TPX2: variants seen among roughly 807,000 people sequenced by gnomAD.
TPX2 encodes TPX2 microtubule nucleation factor.
A neutral mutation model predicts 93.6 loss-of-function variants in TPX2; 21 were observed. The observed-to-expected ratio is 0.22, with a 90% CI of 0.16 to 0.32. The LOEUF (loss-of-function observed/expected upper bound fraction) is 0.32. Ranked by LOEUF, TPX2 falls within the 10% of genes least tolerant of loss-of-function variation. The pLI is 1.00. For synonymous variants in TPX2, 281 were observed against 298.3 expected, an observed-to-expected ratio of 0.94 and a Z score of 0.60; for missense variants, 776 against 871.1, an observed-to-expected ratio of 0.89 and a Z score of 1.37.
chr20:31,798,948 G>GT (rs1198766119), intron 17 of TPX2, among the ~76,000 whole-genome samples: 4 of 152,306 alleles, frequency 2.6e-5, no homozygotes, highest in Admixed American at 1.3e-4. Flanking sequence ...TCCTAGGACT[G>GT]TTTTTTATTT....
Position 31,794,543 on chromosome 20 carries a change from C to T in TPX2, c.1828C>T (p.His610Tyr), listed in dbSNP as rs935818977. 6.2e-7 allele frequency: 1 copy of T among 1,613,614 alleles called. No homozygotes were observed. ...RGALKAQTWK[H>Y]QLEEELRQQK... The stretch of plus-strand genomic sequence containing the variant: ...TGCTCTGAAGGCACAGACTTGGAAG[C>T]ACCAGGTAGGGGATGGGGAGAGCAG... The change falls in exon 15 of 18, where the codon CAC becomes TAC. Residue 610 changes from histidine (H) to tyrosine (Y), a missense_variant. This residue lies in a region of TPX2 where 461 missense variants were observed against 551.2 expected (regional missense o/e 0.84). Transcript: ENST00000300403.
chr20:31,757,616 T>G (rs763919633), intron 3 of TPX2, 34 bp downstream of exon 3: 2 of 1,570,088 alleles, frequency 1.3e-6, no homozygotes, highest in Non-Finnish European at 1.8e-6. Flanking sequence ...ATTTTAAGGA[T>G]TAGTGGCTTG....
At chr20:31,795,015 G>T (rs2062128478) in intron 15 of TPX2, among the ~76,000 whole-genome samples, 1 of 151,964 alleles carries the variant, frequency 6.6e-6, no homozygotes, top group Non-Finnish European at 1.5e-5. Flanking sequence ...TAGGGATGGG[G>T]TTTCACCGTG....
intron 10 of TPX2, chr20:31,780,931 CT>C (rs35053116): frequency 2.5e-6 from 1 of 406,228 alleles, no homozygotes; most frequent in Non-Finnish European, 4.8e-6. Flanking sequence ...TCTTGTTTTG[CT>C]TTTTAGAGAC....
At chr20:31,746,440 A>T (rs2061784010) in intron 2 of TPX2, among the ~76,000 whole-genome samples, 1 of 152,210 alleles carries the variant, frequency 6.6e-6, no homozygotes, top group African/African-American at 2.4e-5. Flanking sequence ...GTAGGAGAGG[A>T]TGTCCCTGGA....
At chr20:31,757,651 A>T in intron 3 of TPX2, 69 bp downstream of exon 3, 4 of 1,207,624 alleles carry the variant, frequency 3.3e-6, no homozygotes, top group Non-Finnish European at 2.4e-6. Context: ...CCTTTCAATA[A>T]TAGAAGGGGT....
At chr20:31,755,294 G>A (rs1325026543) in intron 2 of TPX2, among the ~76,000 whole-genome samples, 1 of 150,444 alleles carries the variant, frequency 6.6e-6, no homozygotes, top group Admixed American at 6.7e-5. Context: ...ATGTTGGCCA[G>A]GCTGGTCTCA....
intron 9 of TPX2, 118 bp from the exon 10 acceptor site, chr20:31,778,695 A>C (rs1262926465): frequency 3.3e-6 from 3 of 913,288 alleles, no homozygotes; most frequent in Non-Finnish European, 4.9e-6. Flanking sequence ...ACTTCAGAAT[A>C]ATAATCTTGG....
At position 31,757,447 on chromosome 20, in the gene TPX2, A is replaced by G. The variant is rs761024278; in HGVS notation, c.-30A>G. On this transcript the variant is annotated 5_prime_UTR_variant, in exon 3 of 18. Coordinates refer to ENST00000300403, the MANE Select transcript of TPX2 (RefSeq NM_012112.5). ...GAAAAGTGGTACAAATACTGGGAAA[A>G]ACCTGCTCTTCTGCGTTAAGTGGGA... is the stretch of plus-strand genomic sequence containing the variant. 28 of 1,580,904 alleles carry G rather than the reference A, an allele frequency of 1.8e-5. No individual in the cohort carries two copies. Among genetic ancestry groups the G allele is most frequent in the Non-Finnish European group, 2.3e-5 (26 of 1,152,006 alleles).
intron 10 of TPX2, among the ~76,000 whole-genome samples, chr20:31,780,134 G>A (rs2062024443): frequency 6.6e-6 from 1 of 152,034 alleles, no homozygotes; most frequent in Non-Finnish European, 1.5e-5. Flanking sequence ...TCACTGCAAC[G>A]TCCACCTCTT....
Position 31,783,858 on chromosome 20 carries a change from A to C in TPX2, c.1350A>C (p.Thr450=). The change falls in exon 12 of 18, where the codon ACA becomes ACC. Residue 450 remains threonine (T), a synonymous_variant. Transcript: ENST00000300403. ...AGGAGCGAGAATCAAAGAAGAAAAC[A>C]GAGGATGAACACTTTGAATTTCATT... ...RIQERESKKK[T]EDEHFEFHSR... is the part of the protein sequence containing the mutation. 8 of 1,607,810 alleles carry C rather than the reference A, an allele frequency of 5.0e-6. No individual in the cohort carries two copies. The highest frequency in any genetic ancestry group is 5.9e-6 in the Non-Finnish European group (7 of 1,178,720).
At chr20:31,794,191 A>G (rs1252725820) in intron 14 of TPX2, among the ~76,000 whole-genome samples, 167 bp downstream of exon 14, 1 of 152,208 alleles carries the variant, frequency 6.6e-6, no homozygotes, top group Non-Finnish European at 1.5e-5. Context: ...TTCTGGCACA[A>G]GGAGGTTAAG....
intron 4 of TPX2, among the ~76,000 whole-genome samples, chr20:31,760,649 T>C (rs1255202546): frequency 6.6e-6 from 1 of 152,202 alleles, no homozygotes; most frequent in African/African-American, 2.4e-5. Context: ...TGTGAGCTAC[T>C]GTTCCCGGGG....
intron 7 of TPX2, among the ~76,000 whole-genome samples, chr20:31,772,145 C>T (rs143137872): frequency 3.6e-3 from 543 of 151,954 alleles, no homozygotes; most frequent in Middle Eastern, 0.024. Context: ...CTCAGCCTCC[C>T]GAGTAGCCCG....
At chr20:31,766,120 G>T (rs78882301) in intron 4 of TPX2, among the ~76,000 whole-genome samples, 497 of 152,250 alleles carry the variant, frequency 3.3e-3, no homozygotes, top group Non-Finnish European at 5.6e-3. Context: ...CAGCATTATA[G>T]ATTGCAAATT....
At chr20:31,776,602 C>T (rs906772299) in intron 8 of TPX2, among the ~76,000 whole-genome samples, 2 of 151,438 alleles carry the variant, frequency 1.3e-5, no homozygotes, top group African/African-American at 4.9e-5. Context: ...CTCCGCTCAA[C>T]ACAACCTCTG....
intron 4 of TPX2, among the ~76,000 whole-genome samples, chr20:31,764,171 T>C (rs143469894): frequency 1.3e-3 from 190 of 151,950 alleles, no homozygotes; most frequent in Admixed American, 2.2e-3. Flanking sequence ...CACATACATG[T>C]ATATGTATAT....
intron 2 of TPX2, among the ~76,000 whole-genome samples, chr20:31,743,771 G>C (rs528107252): frequency 2.1e-4 from 31 of 148,240 alleles, no homozygotes; most frequent in African/African-American, 7.3e-4. Context: ...TTGTTGCCCA[G>C]GCTGGAGTGC....
chr20:31,801,372 A>G lies in TPX2; in HGVS notation c.*292A>G, dbSNP rs1409632600. 2 of 304,508 alleles carry G rather than the reference A, an allele frequency of 6.6e-6. No individual in the cohort carries two copies. Among genetic ancestry groups the G allele is most frequent in the Non-Finnish European group, 1.2e-5 (2 of 162,284 alleles). The allele number at this position is 304,508 out of a possible 1,614,324, so 18.9% of individuals were successfully genotyped here. On this transcript the variant is annotated 3_prime_UTR_variant, in exon 18 of 18. Coordinates refer to ENST00000300403, the MANE Select transcript of TPX2 (RefSeq NM_012112.5). ...GCCTTTTATATGGGTCTTCACTCTG[A>G]CTAGAATTTAGTCTCTGTGTCAGCA...
Sources: gnomAD v4.1 joint callset for allele counts (sites outside exome capture counted in the v4.1 genomes callset) on GRCh38, gnomAD v4.1.1 for gene constraint, gnomAD v4.1.1 regional missense constraint, MANE v1.5 for transcripts, NCBI Gene and HGNC (gene_info 2026-07-23, HGNC 2026-07-21) for gene names.